Variants in PRKN observed in about 807,000 individuals in gnomAD.
PRKN encodes parkin RBR E3 ubiquitin protein ligase, also known as E3 ubiquitin-protein ligase parkin.
In PRKN, 56 loss-of-function variants were observed where a neutral mutation model predicts 59.5. That is an observed-to-expected ratio of 0.94 (90% confidence interval 0.76 to 1.18). PRKN has a LOEUF of 1.18. Among genes scored for constraint, PRKN ranks in the 50% most tolerant of loss-of-function variants. The pLI, the probability that PRKN is intolerant of heterozygous loss-of-function variation, is 0.00. For synonymous variants in PRKN, 250 were observed against 222.1 expected, an observed-to-expected ratio of 1.13 and a Z score of -1.12; for missense variants, 657 against 596.4, an observed-to-expected ratio of 1.10 and a Z score of -1.06.
intron 7 of PRKN, among the ~76,000 whole-genome samples, chr6:161,695,136 C>T (rs957300830): frequency 3.9e-5 from 6 of 152,126 alleles, no homozygotes; most frequent in African/African-American, 4.8e-5. Flanking sequence ...GACTAGGACA[C>T]GGTTTTGCCT....
chr6:162,092,753 T>A (rs1223562626), intron 4 of PRKN, among the ~76,000 whole-genome samples: 2 of 152,200 alleles, frequency 1.3e-5, no homozygotes, highest in African/African-American at 4.8e-5. Flanking sequence ...CCTCATAGAT[T>A]CTAAAATCAC....
rs931189049 is a variant in PRKN at position 161,578,665 on chromosome 6, A to G, written c.872-9249T>C. Among the ~76,000 whole-genome samples, 8 of 152,140 alleles carry G rather than the reference A, an allele frequency of 5.3e-5. No individual in the cohort carries two copies. The highest frequency in any genetic ancestry group is 7.4e-5 in the Non-Finnish European group (5 of 68,026). The stretch of plus-strand genomic sequence containing the variant: ...GACCTCTCTTTCCTGTGACACCTCC[A>G]TGACTGTCCACACGATGGTGTCACT... On this transcript the variant is annotated intron_variant, in intron 7 of 11. Coordinates refer to ENST00000366898, the MANE Select transcript of PRKN (RefSeq NM_004562.3). The surrounding 1 kb of genome is among the most constrained non-coding windows in gnomAD (Gnocchi z 4.2).
chr6:162,488,433 A>T (rs1003268677), intron 1 of PRKN, among the ~76,000 whole-genome samples: 2 of 152,182 alleles, frequency 1.3e-5, no homozygotes, highest in African/African-American at 2.4e-5. Flanking sequence ...AGATTTCCCC[A>T]CATCCACTAA....
chr6:162,105,226 C>T (rs1300692528), intron 4 of PRKN, among the ~76,000 whole-genome samples: 3 of 152,014 alleles, frequency 2.0e-5, no homozygotes, highest in Non-Finnish European at 2.9e-5. Flanking sequence ...AACAAATGCC[C>T]GAATTGAATT....
chr6:161,999,841 T>A (rs1781984320), intron 5 of PRKN, among the ~76,000 whole-genome samples: 1 of 152,030 alleles, frequency 6.6e-6, no homozygotes, highest in Non-Finnish European at 1.5e-5. Flanking sequence ...CAGACCAAAA[T>A]AATAATAGCA....
At chr6:161,629,414 C>T (rs985137675) in intron 7 of PRKN, among the ~76,000 whole-genome samples, 1 of 152,086 alleles carries the variant, frequency 6.6e-6, no homozygotes, top group African/African-American at 2.4e-5. Context: ...CCGGCAGTTG[C>T]TGCCCAATCA....
intron 1 of PRKN, among the ~76,000 whole-genome samples, chr6:162,653,968 C>G (rs1778544048): frequency 6.6e-6 from 1 of 152,144 alleles, no homozygotes; most frequent in South Asian, 2.1e-4. Flanking sequence ...TCAACAAGTA[C>G]CTACTCACTG....
intron 1 of PRKN, among the ~76,000 whole-genome samples, chr6:162,612,513 C>G (rs546188762): frequency 2.7e-5 from 4 of 147,724 alleles, no homozygotes; most frequent in Non-Finnish European, 5.9e-5. Context: ...TGCTGAGGCT[C>G]TGTTTGGTCC....
intron 1 of PRKN, among the ~76,000 whole-genome samples, chr6:162,691,276 C>T (rs1164434157): frequency 6.6e-6 from 1 of 151,852 alleles, no homozygotes; most frequent in African/African-American, 2.4e-5. Context: ...AATTTATGCA[C>T]ACTTAAAACA....
Position 161,463,271 on chromosome 6 carries a change from C to T in PRKN, c.1084-76394G>A, listed in dbSNP as rs543586748. Among the ~76,000 whole-genome samples, 2 of 152,306 alleles carry T rather than the reference C, an allele frequency of 1.3e-5. No individual in the cohort carries two copies. Among genetic ancestry groups the T allele is most frequent in the African/African-American group, 4.8e-5 (2 of 41,562 alleles). On this transcript the variant is annotated intron_variant, in intron 9 of 11. Coordinates refer to ENST00000366898, the MANE Select transcript of PRKN (RefSeq NM_004562.3). The surrounding 1 kb of genome is among the most constrained non-coding windows in gnomAD (Gnocchi z 4.8). The stretch of plus-strand genomic sequence containing the variant: ...CAGCTGGTGCCTCTCCTGACCCCTC[C>T]TCCCTTGTTACCAAGGATGCCAAAA...
intron 1 of PRKN, among the ~76,000 whole-genome samples, chr6:162,621,451 G>A (rs144210264): frequency 6.6e-6 from 1 of 152,242 alleles, no homozygotes; most frequent in Admixed American, 6.5e-5. Context: ...CCTTCTATGA[G>A]CTAATCCCAG....
intron 6 of PRKN, among the ~76,000 whole-genome samples, chr6:161,807,479 A>T (rs560254797): frequency 6.6e-6 from 1 of 152,282 alleles, no homozygotes; most frequent in Admixed American, 6.5e-5. Flanking sequence ...AGTACCACAA[A>T]CCAGGCAACT....
At chr6:162,442,267 TTG>T in intron 2 of PRKN, among the ~76,000 whole-genome samples, 1 of 152,162 alleles carries the variant, frequency 6.6e-6, no homozygotes. Flanking sequence ...AGGACGGACT[TTG>T]TGTACTCTGA....
intron 8 of PRKN, among the ~76,000 whole-genome samples, chr6:161,557,424 A>G (rs1221354678): frequency 2.6e-5 from 4 of 152,194 alleles, no homozygotes; most frequent in Admixed American, 6.5e-5. Context: ...GTGTTCTATA[A>G]TGAAGGAACG....
At chr6:161,998,055 T>TA (rs1337454391) in intron 5 of PRKN, among the ~76,000 whole-genome samples, 2 of 152,158 alleles carry the variant, frequency 1.3e-5, no homozygotes, top group African/African-American at 4.8e-5. Context: ...CAAAATATAT[T>TA]AAAAAACATA....
At chr6:162,195,513 G>A (rs150916538) in intron 4 of PRKN, among the ~76,000 whole-genome samples, 1 of 152,250 alleles carries the variant, frequency 6.6e-6, no homozygotes, top group Non-Finnish European at 1.5e-5. Context: ...CATAAATTGT[G>A]CCTAATCTAT....
chr6:161,698,306 G>C (rs181865866), intron 7 of PRKN, among the ~76,000 whole-genome samples: 10 of 152,204 alleles, frequency 6.6e-5, no homozygotes, highest in Non-Finnish European at 1.3e-4. Context: ...ATTTACAATG[G>C]AGAAAATAAC....
At chr6:162,075,331 T>C (rs1181867256) in intron 4 of PRKN, among the ~76,000 whole-genome samples, 1 of 152,160 alleles carries the variant, frequency 6.6e-6, no homozygotes, top group African/African-American at 2.4e-5. Flanking sequence ...TTCTAGTGAA[T>C]GCTCAGATAC....
chr6:161,495,131 T>A (rs1777699638), intron 9 of PRKN, among the ~76,000 whole-genome samples: 1 of 152,218 alleles, frequency 6.6e-6, no homozygotes, highest in Admixed American at 6.5e-5. Context: ...AGCATAAAAA[T>A]TACTAATAAG....
Sources: gnomAD v4.1 joint callset for allele counts (sites outside exome capture counted in the v4.1 genomes callset) on GRCh38, gnomAD v4.1.1 for gene constraint, Gnocchi (gnomAD v3.1) non-coding constraint, MANE v1.5 for transcripts, NCBI Gene and HGNC (gene_info 2026-07-23, HGNC 2026-07-21) for gene names.